The following SGCZ variants were observed in gnomAD, a reference collection of about 807,000 sequenced individuals.
The protein encoded by SGCZ is zeta-sarcoglycan.
In SGCZ, 40 loss-of-function variants were observed where a neutral mutation model predicts 41.3. The ratio of observed to expected loss-of-function variants is 0.97; its 90% CI spans 0.75 to 1.26. The LOEUF is 1.26. Ranked by LOEUF, SGCZ falls within the 50% of genes most tolerant of loss-of-function variation. SGCZ has a pLI of 0.00. For synonymous variants in SGCZ, 206 were observed against 137.5 expected (o/e 1.50, Z -3.49); for missense variants, 552 against 369.8 (o/e 1.49, Z -4.04).
intron 3 of SGCZ, among the ~76,000 whole-genome samples, chr8:14,285,533 C>A (rs1800591740): frequency 6.6e-6 from 1 of 151,852 alleles, no homozygotes; most frequent in African/African-American, 2.4e-5. Context: ...TATGTATTCA[C>A]AGTATTTACT....
chr8:14,262,796 C>G (rs1799719580), intron 3 of SGCZ, among the ~76,000 whole-genome samples: 1 of 142,724 alleles, frequency 7.0e-6, no homozygotes, highest in Non-Finnish European at 1.5e-5. Context: ...CCCAGTCAAA[C>G]AAAGTTTCAA....
intron 1 of SGCZ, among the ~76,000 whole-genome samples, chr8:15,166,126 G>A (rs1799656845): frequency 6.6e-6 from 1 of 151,936 alleles, no homozygotes; most frequent in South Asian, 2.1e-4. Context: ...CCTGGCACCT[G>A]GCTTTTTGAA....
intron 1 of SGCZ, among the ~76,000 whole-genome samples, chr8:14,919,969 C>T (rs563791469): frequency 2.6e-5 from 4 of 152,084 alleles, no homozygotes; most frequent in South Asian, 4.2e-4. Flanking sequence ...ATAATTACTG[C>T]GATGTTATTT....
At chr8:15,090,956 C>T (rs1806136214) in intron 1 of SGCZ, among the ~76,000 whole-genome samples, 3 of 152,112 alleles carry the variant, frequency 2.0e-5, no homozygotes, top group African/African-American at 7.2e-5. Context: ...TTTCCTTGAA[C>T]AATTGAGACT....
At chr8:15,112,827 T>G (rs1807122439) in intron 1 of SGCZ, among the ~76,000 whole-genome samples, 1 of 152,334 alleles carries the variant, frequency 6.6e-6, no homozygotes, top group Admixed American at 6.5e-5. Flanking sequence ...GGAGCAGGAA[T>G]GAGCTGTCTC....
intron 3 of SGCZ, among the ~76,000 whole-genome samples, chr8:14,296,828 T>C (rs1801028196): frequency 6.6e-6 from 1 of 152,138 alleles, no homozygotes; most frequent in South Asian, 2.1e-4. Flanking sequence ...CGTATCAAAA[T>C]AAAAGATACT....
intron 1 of SGCZ, among the ~76,000 whole-genome samples, chr8:14,920,942 C>T (rs140263942): frequency 1.2e-3 from 180 of 152,262 alleles, no homozygotes; most frequent in African/African-American, 3.9e-3. Context: ...GTGGCTTCTA[C>T]GCTCAGAACA....
At chr8:14,643,282 C>T (rs964336) in intron 1 of SGCZ, among the ~76,000 whole-genome samples, 29,068 of 151,458 alleles carry the variant, frequency 0.19, 3,307 homozygotes, top group East Asian at 0.6. Flanking sequence ...ATATATAATA[C>T]ATGCAGACAG....
intron 1 of SGCZ, among the ~76,000 whole-genome samples, chr8:15,232,929 T>C (rs1802002062): frequency 6.6e-6 from 1 of 151,636 alleles, no homozygotes; most frequent in Non-Finnish European, 1.5e-5. Context: ...AGATGTATAG[T>C]AACATCACAG....
At chr8:14,733,683 G>T (rs894258) in intron 1 of SGCZ, among the ~76,000 whole-genome samples, 56,629 of 151,998 alleles carry the variant, frequency 0.37, 12,597 homozygotes, top group Non-Finnish European at 0.5. Flanking sequence ...ATATTTAAAA[G>T]CATGTACATC....
intron 1 of SGCZ, among the ~76,000 whole-genome samples, chr8:14,950,886 G>C (rs1407793139): frequency 6.6e-6 from 1 of 151,978 alleles, no homozygotes; most frequent in Non-Finnish European, 1.5e-5. Context: ...GAAATAATTA[G>C]AAGTCTTAAA....
In SGCZ at chr8:14,911,550, A is replaced by G. The variant is rs562580595; in HGVS notation, c.39+326035T>C. Among the ~76,000 whole-genome samples, 183 of 152,138 alleles carry G rather than the reference A, an allele frequency of 1.2e-3. 1 individual carries two copies. Among genetic ancestry groups the G allele is most frequent in the African/African-American group, 4.3e-3 (177 of 41,548 alleles). ...CTAGTTAATTTAAAAACCAAATACA[A>G]TTTTTATAAAAATAAAATTTCAGAA... is the stretch of plus-strand genomic sequence containing the variant. On this transcript the variant is annotated intron_variant, in intron 1 of 7. Transcript: ENST00000382080.
chr8:14,843,577 CAAT>C (rs994765477), intron 1 of SGCZ, among the ~76,000 whole-genome samples: 11 of 151,946 alleles, frequency 7.2e-5, no homozygotes, highest in Admixed American at 2.0e-4. Flanking sequence ...ATTTTATTTA[CAAT>C]AATAAAAAAT....
At chr8:14,788,132 C>T (rs1250096200) in intron 1 of SGCZ, among the ~76,000 whole-genome samples, 2 of 152,070 alleles carry the variant, frequency 1.3e-5, no homozygotes, top group Non-Finnish European at 2.9e-5. Context: ...ACCTAAATAA[C>T]GGATATATTT....
At chr8:14,817,917 C>A (rs1563290595) in intron 1 of SGCZ, among the ~76,000 whole-genome samples, 3 of 152,346 alleles carry the variant, frequency 2.0e-5, no homozygotes, top group East Asian at 3.9e-4. Flanking sequence ...CCTGGCTCAA[C>A]AGGCAGTCCC....
At chr8:14,281,884 T>A (rs1028958875) in intron 3 of SGCZ, among the ~76,000 whole-genome samples, 1 of 151,922 alleles carries the variant, frequency 6.6e-6, no homozygotes, top group Non-Finnish European at 1.5e-5. Flanking sequence ...TTTTATTATC[T>A]AAACCTCAAT....
intron 1 of SGCZ, among the ~76,000 whole-genome samples, chr8:14,594,585 G>A (rs891872281): frequency 1.3e-5 from 2 of 150,386 alleles, no homozygotes; most frequent in African/African-American, 2.5e-5. Context: ...AGCAGTTTAT[G>A]TCTATGGTCA....
intron 2 of SGCZ, among the ~76,000 whole-genome samples, chr8:14,491,353 C>T (rs1801837747): frequency 6.7e-6 from 1 of 149,840 alleles, no homozygotes; most frequent in South Asian, 2.1e-4. Context: ...CATCAGGGAT[C>T]TCTCAGTGTA....
intron 1 of SGCZ, among the ~76,000 whole-genome samples, chr8:14,843,619 C>T (rs1004195459): frequency 6.6e-6 from 1 of 151,714 alleles, no homozygotes; most frequent in African/African-American, 2.4e-5. Context: ...TGTTTTTGCC[C>T]ACAGATACAT....
Sources: gnomAD v4.1 joint callset for allele counts (sites outside exome capture counted in the v4.1 genomes callset) on GRCh38, gnomAD v4.1.1 for gene constraint, MANE v1.5 for transcripts, NCBI Gene and HGNC (gene_info 2026-07-23, HGNC 2026-07-21) for gene names.